Variants in PLEKHA5 observed in about 807,000 individuals in gnomAD.
PLEKHA5 encodes the protein pleckstrin homology domain containing A5.
A neutral mutation model predicts 181.9 loss-of-function variants in PLEKHA5; 55 were observed. The ratio of observed to expected loss-of-function variants is 0.30; its 90% CI spans 0.24 to 0.38. The LOEUF (loss-of-function observed/expected upper bound fraction) is 0.38, where lower values mean the gene tolerates loss of function less well. Ranked by LOEUF, PLEKHA5 falls within the 10% of genes least tolerant of loss-of-function variation. PLEKHA5 has a pLI of 1.00. For synonymous variants in PLEKHA5, 535 were observed against 529.4 expected, an observed-to-expected ratio of 1.01 and a Z score of -0.15; for missense variants, 1,432 against 1,549.5, an observed-to-expected ratio of 0.92 and a Z score of 1.27.
chr12:19,285,865 C>T (rs1485564838), intron 12 of PLEKHA5, among the ~76,000 whole-genome samples: 1 of 152,158 alleles, frequency 6.6e-6, no homozygotes, highest in Non-Finnish European at 1.5e-5. Context: ...AAGTGCTAAC[C>T]GTTGTCTCAC....
chr12:19,277,477 AG>A (rs1427998870), intron 11 of PLEKHA5, among the ~76,000 whole-genome samples: 1 of 152,168 alleles, frequency 6.6e-6, no homozygotes, highest in African/African-American at 2.4e-5. Flanking sequence ...CAGCTTCTGA[AG>A]GCTGGTTTTA....
chr12:19,374,567 G>A (rs2095665638), intron 31 of PLEKHA5, among the ~76,000 whole-genome samples: 1 of 152,108 alleles, frequency 6.6e-6, no homozygotes, highest in South Asian at 2.1e-4. Context: ...GCTGAGGCAG[G>A]AAAATCACTT....
intron 25 of PLEKHA5, among the ~76,000 whole-genome samples, chr12:19,352,334 G>C (rs192989872): frequency 6.6e-6 from 1 of 151,252 alleles, no homozygotes; most frequent in African/African-American, 2.4e-5. Context: ...GCAGTGAGCC[G>C]AGATCGTGCC....
chr12:19,197,544 G>A (rs1032021829), intron 3 of PLEKHA5, among the ~76,000 whole-genome samples: 6 of 151,952 alleles, frequency 3.9e-5, no homozygotes, highest in Non-Finnish European at 5.9e-5. Context: ...GTACTACATC[G>A]TTTATTGTGT....
At chr12:19,372,664 T>C (rs191453968) in intron 31 of PLEKHA5, 1 of 152,316 alleles carries the variant, frequency 6.6e-6, no homozygotes, top group Admixed American at 6.5e-5. Context: ...TTGGTATCTG[T>C]GCAGGACTGA....
chr12:19,247,942 A>G (rs917013139), intron 3 of PLEKHA5, among the ~76,000 whole-genome samples: 15 of 151,388 alleles, frequency 9.9e-5, no homozygotes, highest in African/African-American at 3.4e-4. Context: ...AAAAAGAGAG[A>G]GAGAGAGAGA....
At chr12:19,371,761 G>T (rs1282466306) in intron 31 of PLEKHA5, 1 of 152,232 alleles carries the variant, frequency 6.6e-6, no homozygotes, top group Non-Finnish European at 1.5e-5. Flanking sequence ...AAATTGTGCT[G>T]CTATAAACAT....
At chr12:19,186,002 A>G (rs1040011736) in intron 3 of PLEKHA5, among the ~76,000 whole-genome samples, 1 of 152,184 alleles carries the variant, frequency 6.6e-6, no homozygotes, top group African/African-American at 2.4e-5. Context: ...TTCATTTGTT[A>G]TCTGTCTCTC....
chr12:19,306,808 C>G, intron 15 of PLEKHA5: 1 of 827,800 alleles, frequency 1.2e-6, no homozygotes, highest in Non-Finnish European at 2.1e-6. Flanking sequence ...GTTGTCGCAC[C>G]ATGTCTGACA....
At chr12:19,183,038 CTAAT>C (rs1211145926) in intron 3 of PLEKHA5, among the ~76,000 whole-genome samples, 3 of 152,024 alleles carry the variant, frequency 2.0e-5, no homozygotes, top group Admixed American at 1.3e-4. Flanking sequence ...AGAGCTGTTG[CTAAT>C]TAAAGTTTAA....
At chr12:19,257,566 AAGAC>A in intron 6 of PLEKHA5, 29 bp downstream of exon 6, 1 of 1,119,862 alleles carries the variant, frequency 8.9e-7, no homozygotes, top group Non-Finnish European at 1.3e-6. Context: ...TATGAAACAA[AAGAC>A]AGAATTAGAA....
chr12:19,138,447 C>T (rs1177821567), intron 3 of PLEKHA5, among the ~76,000 whole-genome samples: 2 of 151,890 alleles, frequency 1.3e-5, no homozygotes, highest in East Asian at 1.9e-4. Context: ...GTGGCGGGCT[C>T]CTGTAGTCCC....
At chr12:19,219,258 C>A in intron 3 of PLEKHA5, among the ~76,000 whole-genome samples, 1 of 152,164 alleles carries the variant, frequency 6.6e-6, no homozygotes, top group Non-Finnish European at 1.5e-5. Flanking sequence ...GTCCTGAAAC[C>A]GAATTCCCGA....
At chr12:19,303,739 C>T (rs1202696748) in intron 15 of PLEKHA5, 1 of 151,428 alleles carries the variant, frequency 6.6e-6, no homozygotes, top group Non-Finnish European at 1.5e-5. Flanking sequence ...TGAATAAGCA[C>T]TGCACTCAAG....
chr12:19,355,422 G>A (rs572090495), intron 26 of PLEKHA5, among the ~76,000 whole-genome samples: 32 of 141,358 alleles, frequency 2.3e-4, no homozygotes, highest in Admixed American at 8.4e-4. Context: ...CATGATCATA[G>A]CTCACTGCAG....
At chr12:19,210,043 A>G (rs2056590713) in intron 3 of PLEKHA5, among the ~76,000 whole-genome samples, 1 of 152,216 alleles carries the variant, frequency 6.6e-6, no homozygotes, top group African/African-American at 2.4e-5. Context: ...TGTTAAAAAA[A>G]TCTTTAACGG....
chr12:19,199,142 AATTCTTT>A (rs2053625400), intron 3 of PLEKHA5, among the ~76,000 whole-genome samples: 1 of 152,156 alleles, frequency 6.6e-6, no homozygotes, highest in Non-Finnish European at 1.5e-5. Flanking sequence ...TAAAATTTAC[AATTCTTT>A]TTTGTAAGAC....
chr12:19,277,087 A>G (rs530406590), intron 11 of PLEKHA5, among the ~76,000 whole-genome samples: 2 of 152,212 alleles, frequency 1.3e-5, no homozygotes, highest in Admixed American at 1.3e-4. Flanking sequence ...ATAAGCTTAT[A>G]TATTACTAGC....
At chr12:19,300,580 G>A (rs1406145838) in intron 15 of PLEKHA5, among the ~76,000 whole-genome samples, 1 of 152,104 alleles carries the variant, frequency 6.6e-6, no homozygotes, top group Admixed American at 6.6e-5. Context: ...TGGAACTCAG[G>A]ATGCAAAGAT....
Sources: allele counts gnomAD v4.1 joint callset (sites outside exome capture counted in the v4.1 genomes callset), GRCh38; gene constraint gnomAD v4.1.1; transcripts MANE v1.5; gene names NCBI Gene and HGNC (gene_info 2026-07-23, HGNC 2026-07-21).